Variants in RELL1 observed in about 807,000 individuals in gnomAD.
The protein encoded by RELL1 is RELT like 1.
In RELL1, 10 loss-of-function variants were observed where a neutral mutation model predicts 23.0. The ratio of observed to expected loss-of-function variants is 0.43; its 90% CI spans 0.27 to 0.74. RELL1 has a LOEUF of 0.74. RELL1 is among the 30% of genes least tolerant of loss of function. The pLI, the probability that RELL1 is intolerant of heterozygous loss-of-function variation, is 0.19. For missense variants in RELL1, 315 were observed against 364.4 expected, an observed-to-expected ratio of 0.86 and a Z score of 1.10; for synonymous variants, 146 against 146.8, an observed-to-expected ratio of 0.99 and a Z score of 0.04.
rs989330502 is a variant in RELL1 at position 37,613,263 on chromosome 4, G to A, written c.*83C>T. 1 of 152,144 alleles carries A rather than the reference G, an allele frequency of 6.6e-6. No homozygotes were observed. The highest frequency in any genetic ancestry group is 6.6e-5 in the Admixed American group (1 of 15,262). 9.4% of individuals were successfully genotyped at this position (152,144 alleles called of 1,614,324 possible). A position where few individuals can be genotyped will look rare whatever the true frequency, so the allele number is the denominator to read the frequency against. ...GCCTGCTGACTCCATGATAGAAACT[G>A]TATAAAATATATAAAAATATTCCCA... On this transcript the variant is annotated 3_prime_UTR_variant, in exon 7 of 7. Coordinates refer to ENST00000454158, the MANE Select transcript of RELL1 (RefSeq NM_001085400.2).
At chr4:37,679,021 CG>C (rs1384195514) in intron 1 of RELL1, among the ~76,000 whole-genome samples, 1 of 152,006 alleles carries the variant, frequency 6.6e-6, no homozygotes, top group Non-Finnish European at 1.5e-5. Flanking sequence ...GAGAAGAAGC[CG>C]GGGGCCTTGG....
At chr4:37,627,729 G>C (rs146715232) in intron 6 of RELL1, among the ~76,000 whole-genome samples, 3 of 152,272 alleles carry the variant, frequency 2.0e-5, no homozygotes, top group Non-Finnish European at 4.4e-5. Context: ...CCAATAAGTG[G>C]ATATGCATTT....
At chr4:37,642,916 A>G (rs1179731142) in intron 3 of RELL1, among the ~76,000 whole-genome samples, 1 of 152,212 alleles carries the variant, frequency 6.6e-6, no homozygotes, top group African/African-American at 2.4e-5. Flanking sequence ...AGGGCAGGAA[A>G]GCTCTGCGCC....
downstream of RELL1, among the ~76,000 whole-genome samples, chr4:37,607,953 G>C (rs1226069349): frequency 1.3e-5 from 2 of 152,030 alleles, no homozygotes; most frequent in Non-Finnish European, 2.9e-5. Flanking sequence ...GGTAATTCTT[G>C]AAATATTTCA....
At chr4:37,654,321 C>T (rs201374526) in intron 1 of RELL1, among the ~76,000 whole-genome samples, 4 of 152,154 alleles carry the variant, frequency 2.6e-5, no homozygotes, top group Admixed American at 6.5e-5. Flanking sequence ...CCATACTGGA[C>T]GGCCCAGATA....
intron 1 of RELL1, among the ~76,000 whole-genome samples, chr4:37,661,271 TTG>T (rs1390669363): frequency 8.7e-6 from 1 of 114,776 alleles, no homozygotes; most frequent in Non-Finnish European, 1.6e-5. Flanking sequence ...TTAATTCTGT[TTG>T]TTTGTTTGTT....
chr4:37,643,689 A>T (rs1297441352), intron 3 of RELL1, among the ~76,000 whole-genome samples: 1 of 152,236 alleles, frequency 6.6e-6, no homozygotes, highest in Non-Finnish European at 1.5e-5. Context: ...ACTAAGTTCA[A>T]GTTATGTTAA....
rs1398948605 is a variant in RELL1, at chr4:37,598,508, T to C, written c.*4-7291A>G. The stretch of plus-strand genomic sequence containing the variant: ...TAAGCACCAAATGCAGTCAGCCTTG[T>C]TCTAAGTACTGCACGTGAATCATCT... On this transcript the variant is annotated intron_variant, in intron 6 of 6. Coordinates refer to the RELL1 transcript ENST00000314117. Among the ~76,000 whole-genome samples, 3 of 152,068 alleles carry C rather than the reference T, an allele frequency of 2.0e-5. No individual in the cohort carries two copies. In the East Asian group the frequency reaches 5.8e-4, roughly 29 times the overall value.
At chr4:37,615,223 T>G (rs1376578574) in intron 6 of RELL1, among the ~76,000 whole-genome samples, 1 of 152,216 alleles carries the variant, frequency 6.6e-6, no homozygotes, top group Admixed American at 6.5e-5. Flanking sequence ...CTTCTGCAGC[T>G]GATAAAAACT....
intron 2 of RELL1, among the ~76,000 whole-genome samples, chr4:37,647,994 C>T (rs768558338): frequency 8.6e-5 from 13 of 151,852 alleles, no homozygotes; most frequent in Non-Finnish European, 8.8e-5. Context: ...GCATACATGA[C>T]GGTCTTTGGG....
chr4:37,638,567 G>C, intron 3 of RELL1, 63 bp from the exon 4 acceptor site: 1 of 1,284,934 alleles, frequency 7.8e-7, no homozygotes, highest in Non-Finnish European at 1.1e-6. Context: ...AATCACATCA[G>C]AAAAGCTGTT....
chr4:37,624,525 G>A (rs1223802996), intron 6 of RELL1, among the ~76,000 whole-genome samples: 2 of 148,866 alleles, frequency 1.3e-5, no homozygotes, highest in Non-Finnish European at 3.0e-5. Context: ...CCAGGTTCAC[G>A]CCATTCTCCT....
chr4:37,622,874 G>A (rs1577570566), intron 6 of RELL1: 2 of 446,580 alleles, frequency 4.5e-6, no homozygotes, highest in African/African-American at 2.1e-5. Flanking sequence ...GCATGATCTC[G>A]GCTCACGGCA....
At chr4:37,673,867 C>T (rs894640129) in intron 1 of RELL1, among the ~76,000 whole-genome samples, 2 of 152,212 alleles carry the variant, frequency 1.3e-5, no homozygotes, top group African/African-American at 4.8e-5. Flanking sequence ...GTCGCCTAAC[C>T]TCAGTCTCCC....
chr4:37,658,012 G>A (rs754829536), intron 1 of RELL1, among the ~76,000 whole-genome samples: 1 of 152,078 alleles, frequency 6.6e-6, no homozygotes, highest in Non-Finnish European at 1.5e-5. Context: ...GGGAAGCTTG[G>A]GTAGGAGGAT....
At chr4:37,674,898 T>C (rs1273502737) in intron 1 of RELL1, among the ~76,000 whole-genome samples, 2 of 152,242 alleles carry the variant, frequency 1.3e-5, no homozygotes, top group African/African-American at 2.4e-5. Flanking sequence ...GTCTTGTGAA[T>C]GTGCTATGTA....
chr4:37,605,603 G>C (rs1719168127), intron 6 of RELL1, among the ~76,000 whole-genome samples: 1 of 151,888 alleles, frequency 6.6e-6, no homozygotes, highest in African/African-American at 2.4e-5. Flanking sequence ...GTAGCCAGGT[G>C]TGGTGGCGTA....
At chr4:37,586,333 A>G (rs1455265683), downstream of RELL1, among the ~76,000 whole-genome samples, 2 of 152,184 alleles carry the variant, frequency 1.3e-5, no homozygotes, top group Non-Finnish European at 2.9e-5. Context: ...TTTTTAATCC[A>G]TAGCCATTAA....
At chr4:37,617,485 A>G (rs978997712) in intron 6 of RELL1, among the ~76,000 whole-genome samples, 3 of 152,228 alleles carry the variant, frequency 2.0e-5, no homozygotes, top group Non-Finnish European at 4.4e-5. Flanking sequence ...ATATTAATTA[A>G]AAACTTCAGT....
Sources: allele counts gnomAD v4.1 joint callset (sites outside exome capture counted in the v4.1 genomes callset), GRCh38; gene constraint gnomAD v4.1.1; transcripts MANE v1.5; gene names NCBI Gene and HGNC (gene_info 2026-07-23, HGNC 2026-07-21).